The following SLAMF9 variants were observed in gnomAD, a reference collection of about 807,000 sequenced individuals.
SLAMF9 encodes SLAM family member 9.
In SLAMF9, 25 loss-of-function variants were observed where a neutral mutation model predicts 30.4. The ratio of observed to expected loss-of-function variants is 0.82; its 90% confidence interval spans 0.60 to 1.15. The LOEUF (loss-of-function observed/expected upper bound fraction) is 1.15. SLAMF9 is among the 50% of genes most tolerant of loss of function. The pLI is 0.00. For synonymous variants in SLAMF9, 129 were observed against 127.2 expected (o/e 1.01, Z -0.09); for missense variants, 344 against 346.1 (o/e 0.99, Z 0.05).
the SLAMF9 span, chr1:159,973,888 T>C: frequency 3.1e-6 from 5 of 1,612,526 alleles, no homozygotes; most frequent in Non-Finnish European, 3.4e-6. Context: ...TGGCCACGGC[T>C]CTGCATTGTT....
chr1:159,976,158 G>T, the SLAMF9 span, among the ~76,000 whole-genome samples: 3 of 151,732 alleles, frequency 2.0e-5, no homozygotes, highest in East Asian at 5.8e-4. Flanking sequence ...TATATATAAA[G>T]AATATCTATA....
chr1:159,965,857 C>A, the SLAMF9 span, among the ~76,000 whole-genome samples: 1 of 152,062 alleles, frequency 6.6e-6, no homozygotes, highest in Non-Finnish European at 1.5e-5. Context: ...AATTATATTA[C>A]ATTTATATAG....
At chr1:159,961,851 G>A in the SLAMF9 span, among the ~76,000 whole-genome samples, 1 of 152,066 alleles carries the variant, frequency 6.6e-6, no homozygotes, top group African/African-American at 2.4e-5. Context: ...GAGTTTATAA[G>A]TTATGCACTC....
chr1:159,952,239 G>A (rs530882339), intron 3 of SLAMF9, 23 bp downstream of exon 3: 30 of 1,612,576 alleles, frequency 1.9e-5, no homozygotes, highest in Admixed American at 8.3e-5. Context: ...TGAGCTCAGG[G>A]GGTGTCTCAG....
the SLAMF9 span, among the ~76,000 whole-genome samples, chr1:159,975,949 C>T: frequency 1.3e-5 from 2 of 152,312 alleles, no homozygotes; most frequent in African/African-American, 2.4e-5. Flanking sequence ...AGATATCCCT[C>T]AGTTAAAGTC....
chr1:159,971,780 G>A, the SLAMF9 span, among the ~76,000 whole-genome samples: 2 of 152,022 alleles, frequency 1.3e-5, no homozygotes, highest in Non-Finnish European at 2.9e-5. Context: ...TGGGAAGGAC[G>A]CAGGGTCAGG....
At chr1:159,959,453 T>C in the SLAMF9 span, among the ~76,000 whole-genome samples, 10 of 152,238 alleles carry the variant, frequency 6.6e-5, no homozygotes, top group South Asian at 2.1e-3. Flanking sequence ...CCAAGCAGGC[T>C]GTGTCTCATG....
chr1:159,953,981 G>C (rs1651864820), intron 1 of SLAMF9, 111 bp downstream of exon 1: 1 of 1,326,760 alleles, frequency 7.5e-7, no homozygotes, highest in East Asian at 2.3e-5. Flanking sequence ...AACTCCAGAA[G>C]AGCTGACACA....
rs750749042 is a variant in SLAMF9, at chr1:159,953,646, T to C, written c.54A>G (p.Gln18=). 8 of 1,598,656 alleles carry C rather than the reference T, an allele frequency of 5.0e-6. No homozygotes were observed. The South Asian group carries it at 6.7e-5, about 13-fold the overall frequency. Reference sequence around the variant, plus strand: ...ATCCACACCATCTCCAGAGTCTCCTTTGGCTGCCTATGCAGGAAGAAAAGA... The same window carrying C: ...ATCCACACCATCTCCAGAGTCTCCTCTGGCTGCCTATGCAGGAAGAAAAGA... The part of the protein sequence containing the change: ...LLLLLLQEGS[Q]RRLWRWCGSE... Residue 18 remains glutamine, a synonymous_variant, in exon 2 of 4, where the codon CAA becomes CAG. Transcript: ENST00000368093.
chr1:159,976,868 C>A, the SLAMF9 span: 9 of 145,068 alleles, frequency 6.2e-5, no homozygotes, highest in East Asian at 1.8e-3. Flanking sequence ...CATATTGAGA[C>A]CCCCATCTCT....
chr1:159,960,262 G>T, the SLAMF9 span, among the ~76,000 whole-genome samples: 1 of 147,698 alleles, frequency 6.8e-6, no homozygotes, highest in Non-Finnish European at 1.5e-5. Context: ...GAGAACAGGC[G>T]GTGTTTGGTT....
the SLAMF9 span, among the ~76,000 whole-genome samples, chr1:159,961,923 C>T: frequency 4.8e-3 from 725 of 152,066 alleles, 13 homozygotes; most frequent in African/African-American, 0.017. Context: ...CTTTGGGAGG[C>T]GGAGGCGGGC....
the SLAMF9 span, chr1:159,961,273 T>A: frequency 6.6e-6 from 1 of 152,222 alleles, no homozygotes; most frequent in Non-Finnish European, 1.5e-5. Flanking sequence ...CTGGTCCTGC[T>A]GTGGTGGAGA....
chr1:159,969,905 G>A, the SLAMF9 span, among the ~76,000 whole-genome samples: 788 of 152,158 alleles, frequency 5.2e-3, 5 homozygotes, highest in African/African-American at 0.018. Context: ...AGCTAGGCAT[G>A]GTGGTGCACT....
rs140245593 is a variant in SLAMF9 at position 159,953,619 on chromosome 1, G to C, written c.81C>G (p.Ser27=). The change falls in exon 2 of 4, where the codon TCC becomes TCG. Residue 27 remains serine, a synonymous_variant. Transcript: ENST00000368093. ...CCTGAAGGACCGCAACCACTTCCTC[G>C]GATCCACACCATCTCCAGAGTCTCC... ...SQRRLWRWCG[S]EEVVAVLQES... The C allele has an allele frequency of 8.7e-6, 14 of 1,605,962 alleles. No homozygotes were observed. The highest frequency in any genetic ancestry group is 1.2e-5 in the Non-Finnish European group (14 of 1,174,716).
chr1:159,973,369 G>A, the SLAMF9 span: 5 of 545,268 alleles, frequency 9.2e-6, no homozygotes, highest in African/African-American at 5.7e-5. Flanking sequence ...ACTCAGTCCA[G>A]GCTGCAGCCC....
At chr1:159,977,098 T>C in the SLAMF9 span, 1 of 152,188 alleles carries the variant, frequency 6.6e-6, no homozygotes, top group Non-Finnish European at 1.5e-5. Flanking sequence ...CACCACAGCC[T>C]GGCTCTACCT....
At chr1:159,976,586 G>A in the SLAMF9 span, 1 of 152,192 alleles carries the variant, frequency 6.6e-6, no homozygotes, top group Non-Finnish European at 1.5e-5. Flanking sequence ...TCACATATAT[G>A]TTTCAATTAA....
chr1:159,966,449 C>G, the SLAMF9 span, among the ~76,000 whole-genome samples: 5 of 152,160 alleles, frequency 3.3e-5, no homozygotes, highest in African/African-American at 1.2e-4. Context: ...CCTTTCAACA[C>G]AGCCATTTTA....
Sources: gnomAD v4.1 joint callset for allele counts (sites outside exome capture counted in the v4.1 genomes callset) on GRCh38, gnomAD v4.1.1 for gene constraint, MANE v1.5 for transcripts, NCBI Gene and HGNC (gene_info 2026-07-23, HGNC 2026-07-21) for gene names.